CFAP45: variants seen among roughly 807,000 people sequenced by gnomAD.
The protein encoded by CFAP45 is cilia and flagella associated protein 45, also known as cilia- and flagella-associated protein 45.
CFAP45 carries 43 observed loss-of-function variants against 75.6 expected under a neutral mutation model. The observed-to-expected ratio is 0.57, with a 90% CI of 0.45 to 0.73. The LOEUF is 0.73. CFAP45 is among the 30% of genes least tolerant of loss of function. The pLI is 0.00. For synonymous variants in CFAP45, 223 were observed against 244.6 expected (o/e 0.91, Z 0.82); for missense variants, 689 against 701.5 (o/e 0.98, Z 0.20).
rs1478996372 is a variant in CFAP45, at chr1:159,890,554, A to T, written c.198T>A (p.Thr66=). The change falls in exon 3 of 12, where the codon ACT becomes ACA. Residue 66 remains threonine (T), a synonymous_variant. Transcript: ENST00000368099. ...TGCGATCCAAGCCCAAAGCAGTGAG[A>T]GTTTTTTGAAGGGTATGCTTATCTC... ...LLRDKHTLQK[T]LTALGLDRKP... The T allele has an allele frequency of 1.9e-6, 3 of 1,613,890 alleles. No homozygotes were observed. Among genetic ancestry groups the T allele is most frequent in the Admixed American group, 3.3e-5 (2 of 60,008 alleles).
At chr1:159,892,923 C>T (rs1649861692) in intron 2 of CFAP45, among the ~76,000 whole-genome samples, 1 of 152,152 alleles carries the variant, frequency 6.6e-6, no homozygotes, top group South Asian at 2.1e-4. Context: ...GCTGAGCCTC[C>T]CTTTTGACAT....
At chr1:159,881,578 G>A (rs1044336744) in intron 7 of CFAP45, among the ~76,000 whole-genome samples, 1 of 152,152 alleles carries the variant, frequency 6.6e-6, no homozygotes, top group Non-Finnish European at 1.5e-5. Flanking sequence ...GCAAATATTC[G>A]ATAAACCATT....
chr1:159,876,243 T>G (rs1378729925), intron 10 of CFAP45: 1 of 358,042 alleles, frequency 2.8e-6, no homozygotes, highest in African/African-American at 2.0e-5. Flanking sequence ...CAGGGGCACA[T>G]GGGTCAGAGG....
intron 10 of CFAP45, among the ~76,000 whole-genome samples, chr1:159,874,400 A>T (rs1649354357): frequency 6.6e-6 from 1 of 152,118 alleles, no homozygotes; most frequent in African/African-American, 2.4e-5. Context: ...AACATCTCCT[A>T]AAATTCTGTG....
chr1:159,877,875 A>AAAACAAATAAAT (rs1649441067), intron 8 of CFAP45, among the ~76,000 whole-genome samples: 2 of 148,972 alleles, frequency 1.3e-5, no homozygotes, highest in African/African-American at 5.0e-5. Context: ...ACCTTGTCTC[A>AAAACAAATAAAT]AAATAAATAA....
chr1:159,876,784 A>G (rs779644934), intron 9 of CFAP45, 35 bp from the exon 10 acceptor site: 2 of 1,612,692 alleles, frequency 1.2e-6, no homozygotes, highest in Non-Finnish European at 1.7e-6. Context: ...TGAGGGCACA[A>G]AATAGCTGGA....
intron 2 of CFAP45, among the ~76,000 whole-genome samples, chr1:159,892,343 A>C (rs974847843): frequency 6.6e-6 from 1 of 152,136 alleles, no homozygotes; most frequent in African/African-American, 2.4e-5. Context: ...TCCCTTACCA[A>C]CAGGAAAACT....
At chr1:159,886,397 T>G in intron 6 of CFAP45, 114 bp downstream of exon 6, 1 of 922,130 alleles carries the variant, frequency 1.1e-6, no homozygotes, top group East Asian at 2.4e-5. Context: ...TTTGAGATAA[T>G]AAGTAGATGA....
intron 2 of CFAP45, 79 bp downstream of exon 2, chr1:159,893,101 C>A (rs1278369765): frequency 6.5e-7 from 1 of 1,531,538 alleles, no homozygotes; most frequent in African/African-American, 1.4e-5. Flanking sequence ...GGTTACTCAG[C>A]AGAAGCTTTG....
At chr1:159,882,365 T>C (rs1337307040) in intron 7 of CFAP45, among the ~76,000 whole-genome samples, 3 of 152,248 alleles carry the variant, frequency 2.0e-5, no homozygotes, top group Non-Finnish European at 4.4e-5. Flanking sequence ...ATTTCTGATG[T>C]ATGACATACA....
At chr1:159,888,874 G>A (rs1649758707) in intron 3 of CFAP45, among the ~76,000 whole-genome samples, 1 of 151,296 alleles carries the variant, frequency 6.6e-6, no homozygotes, top group East Asian at 1.9e-4. Context: ...ACAGCCAATT[G>A]GGCAGCTCTG....
At chr1:159,884,285 T>C (rs1649622458) in intron 7 of CFAP45, 151 bp downstream of exon 7, 1 of 785,992 alleles carries the variant, frequency 1.3e-6, no homozygotes, top group South Asian at 1.9e-5. Flanking sequence ...GAAATAAATA[T>C]TTAACATGGC....
At position 159,891,002 on chromosome 1, in the gene CFAP45, G is replaced by A. The variant is rs532946992; in HGVS notation, c.130-380C>T. ...TCAATCTCCTGACCTCAGATGATCC[G>A]CCCGCCTGGGCCTCCCAAAGTGCTG... On this transcript the variant is annotated intron_variant, in intron 2 of 11. Transcript: ENST00000368099. Among the ~76,000 whole-genome samples, 5 of 152,134 alleles carry A rather than the reference G, an allele frequency of 3.3e-5. No homozygotes were observed. The South Asian group carries it at 6.2e-4, about 19-fold the overall frequency.
chr1:159,876,591 C>T lies in CFAP45; in HGVS notation c.1317G>A (p.Val439=). 6.2e-7 allele frequency: 1 copy of T among 1,614,200 alleles called. No homozygotes were observed. Among genetic ancestry groups the T allele is most frequent in the Non-Finnish European group, 8.5e-7 (1 of 1,180,010 alleles). The change falls in exon 10 of 12, where the codon GTG becomes GTA. Residue 439 remains valine (V), a synonymous_variant. Coordinates refer to ENST00000368099, the MANE Select transcript of CFAP45 (RefSeq NM_012337.3). ...AFKEHALAVQ[V]QRDRDEFERI... is the part of the protein sequence containing the mutation. ...TCTCGAACTCATCCCGGTCCCGTTG[C>T]ACCTGAACAGCCAGAGCGTGCTCCT...
chr1:159,877,752 C>A (rs1407929818), intron 8 of CFAP45, among the ~76,000 whole-genome samples: 9 of 152,084 alleles, frequency 5.9e-5, no homozygotes, highest in African/African-American at 2.2e-4. Context: ...TGGCATGTGC[C>A]TATAGTCCCA....
chr1:159,894,002 A>G (rs894330617), intron 1 of CFAP45, among the ~76,000 whole-genome samples: 3 of 152,128 alleles, frequency 2.0e-5, no homozygotes, highest in African/African-American at 7.2e-5. Context: ...AAGAAATGAC[A>G]AGTGTTTGAG....
intron 11 of CFAP45, 66 bp downstream of exon 11, chr1:159,872,878 C>G: frequency 2.7e-6 from 4 of 1,491,652 alleles, no homozygotes; most frequent in Non-Finnish European, 3.7e-6. Flanking sequence ...CCATGCTTTC[C>G]AGCCTGTGGT....
intron 1 of CFAP45, 40 bp downstream of exon 1, chr1:159,900,056 A>G (rs1650039260): frequency 6.2e-7 from 1 of 1,612,628 alleles, no homozygotes; most frequent in East Asian, 2.2e-5. Context: ...GCCCCCACCC[A>G]ATTCAGGACA....
intron 10 of CFAP45, chr1:159,876,205 C>T (rs188304029): frequency 4.8e-5 from 15 of 314,360 alleles, no homozygotes; most frequent in Admixed American, 2.3e-4. Context: ...TCCTAAACCA[C>T]TCCTCTTGCA....
Sources: allele counts gnomAD v4.1 joint callset (sites outside exome capture counted in the v4.1 genomes callset), GRCh38; gene constraint gnomAD v4.1.1; transcripts MANE v1.5; gene names NCBI Gene and HGNC (gene_info 2026-07-23, HGNC 2026-07-21).